Variants in RIN2 observed in about 807,000 individuals in gnomAD.
The protein encoded by RIN2 is Ras and Rab interactor 2.
In RIN2, 36 loss-of-function variants were observed where a neutral mutation model predicts 78.0. The observed-to-expected ratio is 0.46, with a 90% CI of 0.35 to 0.61. The LOEUF is 0.61. Ranked by LOEUF, RIN2 falls within the 20% of genes least tolerant of loss-of-function variation. RIN2 has a pLI of 0.00. For synonymous variants in RIN2, 466 were observed against 466.8 expected (o/e 1.00, Z 0.02); for missense variants, 1,087 against 1,159.7 (o/e 0.94, Z 0.91).
Position 19,802,471 on chromosome 20 carries a change from T to TAA in RIN2, c.-37+2740_-37+2741dup, listed in dbSNP as rs11300762. Among the ~76,000 whole-genome samples the TAA allele has an allele frequency of 6.8e-3, 959 of 140,048 alleles. 16 individuals are homozygous for TAA. The highest frequency in any genetic ancestry group is 0.014 in the African/African-American group (546 of 38,734). 91.9% of individuals were successfully genotyped at this position (140,048 alleles called of 152,430 possible). A position where few individuals can be genotyped will look rare whatever the true frequency, so the allele number is the denominator to read the frequency against. On this transcript the variant is annotated intron_variant, in intron 2 of 12. Coordinates refer to ENST00000255006, the MANE Select transcript of RIN2 (RefSeq NM_018993.4). ...GCACTATCTCTACAAAAAGTTTCTT[T>TAA]AAAAAAAAAAAAAAAAAGTATACCT... is the stretch of plus-strand genomic sequence containing the variant.
In RIN2 at chr20:19,911,298, G is replaced by A. The variant is rs548691333; in HGVS notation, c.57+21640G>A. Among the ~76,000 whole-genome samples, 3 of 151,110 alleles carry A rather than the reference G, an allele frequency of 2.0e-5. No individual in the cohort carries two copies. In the East Asian group the frequency reaches 5.9e-4, roughly 30 times the overall value. ...GAACTCCTGACCTCAGATGATCTGT[G>A]CGCCTTGGCCTCCCAAAGTGCTGGG... On this transcript the variant is annotated intron_variant, in intron 3 of 12. Transcript: ENST00000255006.
intron 5 of RIN2, among the ~76,000 whole-genome samples, chr20:19,957,208 A>G (rs1443770493): frequency 6.6e-6 from 1 of 152,092 alleles, no homozygotes; most frequent in Non-Finnish European, 1.5e-5. Context: ...CAGCCATCCA[A>G]CTTGGGACCC....
intron 1 of RIN2, among the ~76,000 whole-genome samples, chr20:19,786,960 G>T (rs570346071): frequency 1.9e-4 from 29 of 152,276 alleles, no homozygotes; most frequent in African/African-American, 6.7e-4. Flanking sequence ...GATAGGATAG[G>T]TTACTGGAGA....
At chr20:19,898,528 A>C (rs972838766) in intron 3 of RIN2, among the ~76,000 whole-genome samples, 2 of 152,250 alleles carry the variant, frequency 1.3e-5, no homozygotes, top group African/African-American at 4.8e-5. Context: ...GGTTCAAAAA[A>C]TGCTTTGACA....
intron 6 of RIN2, among the ~76,000 whole-genome samples, chr20:19,961,655 G>C (rs2041753062): frequency 6.6e-6 from 1 of 150,956 alleles, no homozygotes; most frequent in South Asian, 2.1e-4. Flanking sequence ...GCCGAGATGA[G>C]ATTCTACTCA....
At chr20:19,762,911 C>T (rs936933812) in intron 1 of RIN2, among the ~76,000 whole-genome samples, 10 of 151,970 alleles carry the variant, frequency 6.6e-5, no homozygotes, top group Non-Finnish European at 1.5e-4. Flanking sequence ...TTACAGGTGC[C>T]CGCCACCACA....
chr20:19,946,678 A>G (rs559838007), intron 4 of RIN2, among the ~76,000 whole-genome samples: 1 of 141,960 alleles, frequency 7.0e-6, no homozygotes, highest in South Asian at 2.2e-4. Context: ...TCACCACTGC[A>G]CTCCAGCCCT....
intron 4 of RIN2, among the ~76,000 whole-genome samples, chr20:19,937,398 C>T (rs551189712): frequency 1.3e-5 from 2 of 152,282 alleles, no homozygotes; most frequent in African/African-American, 2.4e-5. Context: ...GGAAATGCAC[C>T]GCCGTCAGCT....
intron 1 of RIN2, among the ~76,000 whole-genome samples, chr20:19,769,984 C>T (rs545805694): frequency 2.6e-5 from 4 of 152,194 alleles, no homozygotes; most frequent in South Asian, 4.1e-4. Context: ...AAAGGAAAAG[C>T]GAATATTTTA....
At chr20:19,776,404 A>C (rs911370869) in intron 1 of RIN2, among the ~76,000 whole-genome samples, 1 of 152,172 alleles carries the variant, frequency 6.6e-6, no homozygotes, top group African/African-American at 2.4e-5. Context: ...AGGTCTTTAG[A>C]TAATAACTCT....
At chr20:19,987,650 T>G (rs2042662577) in intron 9 of RIN2, among the ~76,000 whole-genome samples, 1 of 152,234 alleles carries the variant, frequency 6.6e-6, no homozygotes, top group Non-Finnish European at 1.5e-5. Flanking sequence ...GCACTCAATA[T>G]TAATTTCTGT....
At chr20:19,759,845 A>G (rs1392873468) in intron 1 of RIN2, among the ~76,000 whole-genome samples, 2 of 152,160 alleles carry the variant, frequency 1.3e-5, no homozygotes, top group Non-Finnish European at 2.9e-5. Flanking sequence ...CCTGGGTGAC[A>G]GAGTGAAACT....
intron 2 of RIN2, among the ~76,000 whole-genome samples, chr20:19,871,160 A>G (rs184109787): frequency 3.9e-5 from 6 of 152,276 alleles, no homozygotes; most frequent in South Asian, 4.2e-4. Context: ...AAAAGCTTTC[A>G]TTGTGGTCTG....
In RIN2 at chr20:19,889,633, TGGACAAGCGA is replaced by T. The variant is rs867725210; in HGVS notation, c.36_45del (p.Asp12GlufsTer17). ...GCTTGGACCATGGGCGCCCGCGGTC[TGGACAAGCGA>T]GGAAGTTTCTTTAAGGTAAAAGGAA... On this transcript the variant is annotated frameshift_variant, in exon 3 of 13. Transcript: ENST00000255006. LOFTEE classifies it high-confidence loss of function. 2 of 1,535,064 alleles carry T rather than the reference TGGACAAGCGA, an allele frequency of 1.3e-6. No individual in the cohort carries two copies. The highest frequency in any genetic ancestry group is 2.8e-5 in the African/African-American group (2 of 72,308).
intron 1 of RIN2, among the ~76,000 whole-genome samples, chr20:19,788,439 A>AAAAAAAAAAAAAAAAAAAAAAAAAACC (rs1555818733): frequency 3.0e-5 from 4 of 132,992 alleles, no homozygotes; most frequent in African/African-American, 9.8e-5. Flanking sequence ...TGCCAAAAAA[A>AAAAAAAAAAAAAAAAAAAAAAAAAACC]AAAAAAAAAA....
At chr20:19,851,062 AAGGAAGGAAGGAAGGAAGGAAGGT>A (rs2036963081) in intron 2 of RIN2, among the ~76,000 whole-genome samples, 1 of 126,052 alleles carries the variant, frequency 7.9e-6, no homozygotes, top group Non-Finnish European at 1.7e-5. Flanking sequence ...GAAAGAAAGG[AAGGAAGGAAGGAAGGAAGGAAGGT>A]AGGAAGGAAG....
chr20:19,843,180 C>T (rs1481731686), intron 2 of RIN2, among the ~76,000 whole-genome samples: 3 of 152,172 alleles, frequency 2.0e-5, no homozygotes, highest in Non-Finnish European at 4.4e-5. Context: ...GGTGAAGATA[C>T]TGTGAACAGT....
chr20:19,764,918 G>GTTTTTTTTTTT (rs10605325), intron 1 of RIN2, among the ~76,000 whole-genome samples: 2,688 of 50,354 alleles, frequency 0.053, 817 homozygotes, highest in East Asian at 0.13. Flanking sequence ...CACTTTCTGC[G>GTTTTTTTTTTT]TTTTTTTTTT....
upstream of RIN2, chr20:19,757,924 G>C (rs1398890328): frequency 1.3e-5 from 2 of 152,474 alleles, no homozygotes; most frequent in African/African-American, 4.8e-5. Context: ...TTGCAGCCTG[G>C]GTTCCTTGTA....
Sources: allele counts gnomAD v4.1 joint callset (sites outside exome capture counted in the v4.1 genomes callset), GRCh38; gene constraint gnomAD v4.1.1; transcripts MANE v1.5; gene names NCBI Gene and HGNC (gene_info 2026-07-23, HGNC 2026-07-21).